GALNT13: variants seen among roughly 807,000 people sequenced by gnomAD.
The protein encoded by GALNT13 is UDP-GalNAc:polypeptide N-acetylgalactosaminyltransferase 13.
A neutral mutation model predicts 64.2 loss-of-function variants in GALNT13; 28 were observed. That is an observed-to-expected ratio of 0.44 (90% CI 0.32 to 0.60). The LOEUF is 0.60. Ranked by LOEUF, GALNT13 falls within the 20% of genes least tolerant of loss-of-function variation. GALNT13 has a pLI of 0.05. For missense variants in GALNT13, 577 were observed against 669.8 expected (o/e 0.86, Z 1.53); for synonymous variants, 214 against 224.6 (o/e 0.95, Z 0.42).
the GALNT13 span, among the ~76,000 whole-genome samples, chr2:153,230,851 A>G: frequency 6.6e-6 from 1 of 152,168 alleles, no homozygotes; most frequent in Non-Finnish European, 1.5e-5. Context: ...TTTCACAAAT[A>G]TTACTTGTGA....
chr2:154,307,983 G>T (rs1693832705), intron 9 of GALNT13, among the ~76,000 whole-genome samples: 2 of 152,074 alleles, frequency 1.3e-5, no homozygotes, highest in Admixed American at 1.3e-4. Flanking sequence ...TTGAGGGGAA[G>T]GTAGATCTCT....
At chr2:153,356,283 G>T in the GALNT13 span, among the ~76,000 whole-genome samples, 1 of 152,188 alleles carries the variant, frequency 6.6e-6, no homozygotes, top group African/African-American at 2.4e-5. Context: ...AACGCTGAGA[G>T]TAATGATTAA....
intron 4 of GALNT13, among the ~76,000 whole-genome samples, chr2:154,203,613 A>G (rs1398701103): frequency 1.3e-5 from 2 of 152,126 alleles, no homozygotes; most frequent in Admixed American, 1.3e-4. Context: ...CCCCCAATTC[A>G]TCCATTCCAC....
chr2:153,775,039 T>A, the GALNT13 span, among the ~76,000 whole-genome samples: 8 of 152,324 alleles, frequency 5.3e-5, no homozygotes, highest in African/African-American at 1.9e-4. Context: ...TAAAAATTAA[T>A]TTTTCTGATG....
In GALNT13 at chr2:154,362,671, C is replaced by T. The variant is rs117653890; in HGVS notation, c.1157-33320C>T. Reference sequence around the variant, plus strand: ...TAAGCCCAGACAAATTGTTGACTTACAGAATTATGAGCTAAAAAAACTGGT... The same window carrying T: ...TAAGCCCAGACAAATTGTTGACTTATAGAATTATGAGCTAAAAAAACTGGT... On this transcript the variant is annotated intron_variant, in intron 9 of 12. Coordinates refer to ENST00000392825, the MANE Select transcript of GALNT13 (RefSeq NM_052917.4). Among the ~76,000 whole-genome samples, 30 of 152,224 alleles carry T rather than the reference C, an allele frequency of 2.0e-4. No homozygotes were observed. The East Asian group carries it at 5.4e-3, about 27-fold the overall frequency.
chr2:154,395,939 T>C (rs1041851507), intron 9 of GALNT13, 52 bp from the exon 10 acceptor site: 9 of 1,511,130 alleles, frequency 6.0e-6, no homozygotes, highest in Non-Finnish European at 8.0e-6. Context: ...AGTAAAACAG[T>C]ACTAAAACAA....
chr2:153,131,204 C>T, the GALNT13 span, among the ~76,000 whole-genome samples: 1 of 152,264 alleles, frequency 6.6e-6, no homozygotes, highest in Non-Finnish European at 1.5e-5. Flanking sequence ...TCATCAGCTA[C>T]CTCCAAATTA....
At position 153,921,405 on chromosome 2, in the gene GALNT13, G is replaced by A. The variant is rs115353186; in HGVS notation, c.-105+20398G>A. Among the ~76,000 whole-genome samples, 1,436 of 152,234 alleles carry A rather than the reference G, an allele frequency of 9.4e-3. 24 individuals are homozygous for A. The highest frequency in any genetic ancestry group is 0.032 in the African/African-American group (1,342 of 41,548). On this transcript the variant is annotated intron_variant, in intron 2 of 12. Transcript: ENST00000392825. ...ACTGCATTCTCTCATTTGTAAGTGG[G>A]AGCTAAACAAGAACACATGGACACA...
chr2:154,253,410 G>A (rs1422934122), intron 7 of GALNT13, among the ~76,000 whole-genome samples: 3 of 152,156 alleles, frequency 2.0e-5, no homozygotes, highest in Non-Finnish European at 4.4e-5. Flanking sequence ...AACTTCTGGT[G>A]AAAAACTCCA....
the GALNT13 span, among the ~76,000 whole-genome samples, chr2:153,692,953 C>T: frequency 3.3e-5 from 5 of 152,126 alleles, no homozygotes; most frequent in African/African-American, 1.2e-4. Context: ...TTATTACTTC[C>T]AAATGAAAAC....
chr2:154,320,967 C>G (rs1008885640), intron 9 of GALNT13, among the ~76,000 whole-genome samples: 11 of 152,018 alleles, frequency 7.2e-5, no homozygotes, highest in Admixed American at 1.3e-4. Flanking sequence ...TTTATTTTCT[C>G]TGGTATTTAT....
intron 4 of GALNT13, among the ~76,000 whole-genome samples, chr2:154,202,724 AGGTCCAG>A (rs1365456278): frequency 6.6e-6 from 1 of 152,100 alleles, no homozygotes; most frequent in Non-Finnish European, 1.5e-5. Flanking sequence ...GTTTATGTTT[AGGTCCAG>A]TCTCTTTTGA....
At chr2:153,657,518 A>T in the GALNT13 span, among the ~76,000 whole-genome samples, 1 of 152,242 alleles carries the variant, frequency 6.6e-6, no homozygotes, top group Non-Finnish European at 1.5e-5. Flanking sequence ...ATCTGAAACA[A>T]AGAAAGACTA....
intron 4 of GALNT13, among the ~76,000 whole-genome samples, chr2:154,155,416 T>C (rs981961500): frequency 6.6e-6 from 1 of 152,092 alleles, no homozygotes; most frequent in Admixed American, 6.5e-5. Context: ...GTTTTGTTAT[T>C]GCTAGAAAAA....
the GALNT13 span, among the ~76,000 whole-genome samples, chr2:153,689,770 G>C: frequency 6.6e-6 from 1 of 152,030 alleles, no homozygotes; most frequent in African/African-American, 2.4e-5. Context: ...CTTTGTCTTT[G>C]ATTTCTGCCA....
rs550216686 is a variant in GALNT13, at chr2:154,188,318, G to A, written c.311+47813G>A. On this transcript the variant is annotated intron_variant, in intron 4 of 12. Coordinates refer to ENST00000392825, the MANE Select transcript of GALNT13 (RefSeq NM_052917.4). ...TGTCAACAGTCCCCAAATAAAGAGG[G>A]GTTATTGTAGCTGAGGAAGGGATGG... Among the ~76,000 whole-genome samples, 21 of 152,108 alleles carry A rather than the reference G, an allele frequency of 1.4e-4. No homozygotes were observed. In the East Asian group the frequency reaches 4.1e-3, roughly 30 times the overall value.
chr2:153,472,085 A>C, the GALNT13 span, among the ~76,000 whole-genome samples: 1 of 152,316 alleles, frequency 6.6e-6, no homozygotes, highest in Non-Finnish European at 1.5e-5. Context: ...TAGGAAAATA[A>C]ATAAAGCAAA....
chr2:153,405,900 T>A, the GALNT13 span, among the ~76,000 whole-genome samples: 1 of 152,164 alleles, frequency 6.6e-6, no homozygotes, highest in Admixed American at 6.5e-5. Flanking sequence ...AGATGCAGAC[T>A]GGCAAGCAAA....
intron 8 of GALNT13, among the ~76,000 whole-genome samples, chr2:154,272,877 A>G (rs963206251): frequency 6.6e-6 from 1 of 152,188 alleles, no homozygotes; most frequent in Non-Finnish European, 1.5e-5. Flanking sequence ...AGGGAAAGTT[A>G]AAGTAAATAA....
Sources: gnomAD v4.1 joint callset for allele counts (sites outside exome capture counted in the v4.1 genomes callset) on GRCh38, gnomAD v4.1.1 for gene constraint, MANE v1.5 for transcripts, NCBI Gene and HGNC (gene_info 2026-07-23, HGNC 2026-07-21) for gene names.